Variants in METTL6 observed in about 807,000 individuals in gnomAD.
METTL6 encodes tRNA N(3)-cytidine methyltransferase METTL6.
A neutral mutation model predicts 26.4 loss-of-function variants in METTL6; 22 were observed. That is an observed-to-expected ratio of 0.83 (90% CI 0.59 to 1.19). METTL6 has a LOEUF of 1.19. Among genes scored for constraint, METTL6 ranks in the 50% most tolerant of loss-of-function variants. METTL6 has a pLI of 0.00. For synonymous variants in METTL6, 109 were observed against 116.2 expected, an observed-to-expected ratio of 0.94 and a Z score of 0.40; for missense variants, 304 against 324.8, an observed-to-expected ratio of 0.94 and a Z score of 0.49.
chr3:15,426,969 G>T (rs748287921), intron 1 of METTL6, among the ~76,000 whole-genome samples: 1 of 152,232 alleles, frequency 6.6e-6, no homozygotes, highest in Non-Finnish European at 1.5e-5. Context: ...CGCGAAAGGG[G>T]TGACTTAAAA....
intron 6 of METTL6, among the ~76,000 whole-genome samples, chr3:15,385,456 C>T (rs142886745): frequency 1.8e-4 from 27 of 151,930 alleles, no homozygotes; most frequent in African/African-American, 3.4e-4. Context: ...AACATAGCTG[C>T]GCGTGGTGGT....
At chr3:15,399,395 C>A (rs554851344) in intron 6 of METTL6, 1 of 152,054 alleles carries the variant, frequency 6.6e-6, no homozygotes, top group Non-Finnish European at 1.5e-5. Context: ...TACCTGAATT[C>A]TTTCTTACTC....
chr3:15,416,412 G>A (rs1225106882), intron 3 of METTL6, among the ~76,000 whole-genome samples: 1 of 151,964 alleles, frequency 6.6e-6, no homozygotes, highest in Non-Finnish European at 1.5e-5. Flanking sequence ...CACTGCATCT[G>A]GCTAAATTTT....
intron 6 of METTL6, among the ~76,000 whole-genome samples, chr3:15,392,308 T>C (rs1699371453): frequency 1.3e-5 from 2 of 152,214 alleles, no homozygotes; most frequent in South Asian, 4.1e-4. Context: ...TTTTGAGAAG[T>C]GTCTGTTCAT....
chr3:15,427,033 TCA>T (rs1480913698), intron 1 of METTL6, among the ~76,000 whole-genome samples: 1 of 152,110 alleles, frequency 6.6e-6, no homozygotes, highest in Non-Finnish European at 1.5e-5. Flanking sequence ...ACAAGTGAGG[TCA>T]TCGTTTCCCA....
chr3:15,398,837 T>C (rs1233776345), intron 6 of METTL6, among the ~76,000 whole-genome samples: 1 of 152,138 alleles, frequency 6.6e-6, no homozygotes, highest in Non-Finnish European at 1.5e-5. Flanking sequence ...AGCGACTCCA[T>C]CTTGAATAGG....
intron 6 of METTL6, among the ~76,000 whole-genome samples, chr3:15,388,183 T>G (rs1440653741): frequency 6.6e-6 from 1 of 152,148 alleles, no homozygotes; most frequent in African/African-American, 2.4e-5. Flanking sequence ...CAATCTCCAC[T>G]CACTGCAACC....
At chr3:15,416,199 T>C (rs1040629302) in intron 3 of METTL6, among the ~76,000 whole-genome samples, 1 of 152,184 alleles carries the variant, frequency 6.6e-6, no homozygotes, top group African/African-American at 2.4e-5. Flanking sequence ...AAACTGAGCA[T>C]TTTAGAAGCA....
At chr3:15,414,305 C>T in intron 4 of METTL6, 143 bp from the exon 5 acceptor site, 2 of 1,432,434 alleles carry the variant, frequency 1.4e-6, no homozygotes, top group Non-Finnish European at 1.8e-6. Context: ...AAATGGCCTA[C>T]TACTTAAAAA....
In METTL6 at chr3:15,385,458, C is replaced by T. The variant is rs112014613; in HGVS notation, c.*12-1271G>A. On this transcript the variant is annotated intron_variant, in intron 6 of 6. Coordinates refer to the METTL6 transcript ENST00000443029. ...ACTAAAAATACAAAACATAGCTGCGCGTGGTGGTGCACGCCTGTAATTCCA... is the reference window on the plus strand; with the variant it reads ...ACTAAAAATACAAAACATAGCTGCGTGTGGTGGTGCACGCCTGTAATTCCA... Among the ~76,000 whole-genome samples the T allele has an allele frequency of 5.6e-3, 847 of 152,066 alleles. 7 individuals carry two copies. The highest frequency in any genetic ancestry group is 0.018 in the African/African-American group (760 of 41,478).
intron 2 of METTL6, among the ~76,000 whole-genome samples, chr3:15,425,719 T>C (rs2061702933): frequency 1.3e-5 from 2 of 152,150 alleles, no homozygotes; most frequent in South Asian, 4.1e-4. Flanking sequence ...GACCTGGCTC[T>C]TGAATTTAAT....
chr3:15,423,762 A>G (rs1575438910), intron 3 of METTL6, among the ~76,000 whole-genome samples: 1 of 152,154 alleles, frequency 6.6e-6, no homozygotes, highest in Non-Finnish European at 1.5e-5. Flanking sequence ...ACATGCCTGT[A>G]GTCCCAGCTA....
intron 6 of METTL6, chr3:15,384,630 T>C (rs928032536): frequency 1.3e-5 from 2 of 153,042 alleles, no homozygotes; most frequent in African/African-American, 4.8e-5. Flanking sequence ...CCTCAGCTAC[T>C]CGGGAGACTG....
intron 6 of METTL6, among the ~76,000 whole-genome samples, chr3:15,404,629 G>C (rs748243708): frequency 6.6e-6 from 1 of 151,744 alleles, no homozygotes; most frequent in African/African-American, 2.4e-5. Flanking sequence ...GGGATTACAG[G>C]TGTAAGCCAC....
At chr3:15,425,181 G>C in intron 2 of METTL6, 92 bp from the exon 3 acceptor site, 1 of 1,361,774 alleles carries the variant, frequency 7.3e-7, no homozygotes, top group East Asian at 2.3e-5. Flanking sequence ...AGAGGTCTCC[G>C]ACCCCATGGA....
rs2061756941 is a variant in METTL6 at position 15,427,529 on chromosome 3, C to A, written c.-252G>T. The A allele has an allele frequency of 3.7e-6, 2 of 540,192 alleles. No homozygotes were observed. The highest frequency in any genetic ancestry group is 2.1e-5 in the South Asian group (1 of 48,488). The allele number at this position is 540,192 out of a possible 1,614,324, so 33.5% of individuals were successfully genotyped here. On this transcript the variant is annotated 5_prime_UTR_variant, in exon 1 of 6. Coordinates refer to ENST00000383790, the MANE Select transcript of METTL6 (RefSeq NM_152396.4). The stretch of plus-strand genomic sequence containing the variant: ...TCTTTTGCCATGGCACCGCCCCCGC[C>A]ACTTCCGCTAGGAACCCGGAAGTTC...
At chr3:15,413,025 A>T (rs1700037855) in intron 5 of METTL6, among the ~76,000 whole-genome samples, 1 of 152,176 alleles carries the variant, frequency 6.6e-6, no homozygotes. Context: ...TGGGCAGATC[A>T]CTTGAGACCA....
rs774245490 is a variant in METTL6 at position 15,415,946 on chromosome 3, CA to C, written c.361-5del. The C allele has an allele frequency of 6.2e-7, 1 of 1,600,734 alleles. No individual in the cohort carries two copies. Among genetic ancestry groups the C allele is most frequent in the African/African-American group, 1.3e-5 (1 of 74,414 alleles). ...CTGTATCATATAAAGGATTTTGCTA[CA>C]GGGGGAAGAAATACAAATGAATTTT... On this transcript the variant is annotated splice_polypyrimidine_tract_variant and splice_region_variant and intron_variant, in intron 3 of 5. Coordinates refer to ENST00000383790, the MANE Select transcript of METTL6 (RefSeq NM_152396.4).
At chr3:15,408,677 G>A (rs540578829), downstream of METTL6, among the ~76,000 whole-genome samples, 1 of 150,090 alleles carries the variant, frequency 6.7e-6, no homozygotes, top group South Asian at 2.1e-4. Flanking sequence ...TGGGCTCATG[G>A]GATCCTTCAA....
Sources: gnomAD v4.1 joint callset for allele counts (sites outside exome capture counted in the v4.1 genomes callset) on GRCh38, gnomAD v4.1.1 for gene constraint, MANE v1.5 for transcripts, NCBI Gene and HGNC (gene_info 2026-07-23, HGNC 2026-07-21) for gene names.